FTCDNL1: variants seen among roughly 807,000 people sequenced by gnomAD.
FTCDNL1 encodes formiminotransferase N-terminal subdomain-containing protein.
A neutral mutation model predicts 5.9 loss-of-function variants in FTCDNL1; 11 were observed. The observed-to-expected ratio is 1.87, with a 90% CI of 1.18 to 3.10. The LOEUF (loss-of-function observed/expected upper bound fraction) is 3.10. FTCDNL1 is among the 30% of genes most tolerant of loss of function. The pLI is 0.00. For missense variants in FTCDNL1, 115 were observed against 65.5 expected (o/e 1.76, Z -2.61); for synonymous variants, 58 against 24.8 (o/e 2.34, Z -3.99).
chr2:199,714,890 C>A, the FTCDNL1 span, among the ~76,000 whole-genome samples: 4 of 144,438 alleles, frequency 2.8e-5, no homozygotes, highest in South Asian at 8.6e-4. Flanking sequence ...GGGAAATGAA[C>A]AATGAGAACA....
intron 3 of FTCDNL1, among the ~76,000 whole-genome samples, chr2:199,792,074 C>A (rs1403814418): frequency 6.6e-6 from 1 of 151,404 alleles, no homozygotes; most frequent in Non-Finnish European, 1.5e-5. Flanking sequence ...CTTATCCATT[C>A]AATTTTATGT....
downstream of FTCDNL1, among the ~76,000 whole-genome samples, chr2:199,805,493 C>T (rs556718879): frequency 2.6e-5 from 4 of 152,248 alleles, no homozygotes; most frequent in Non-Finnish European, 4.4e-5. Context: ...AATCCCAGTA[C>T]TTTGGGAGGC....
the FTCDNL1 span, among the ~76,000 whole-genome samples, chr2:199,697,260 G>A: frequency 2.6e-5 from 4 of 151,912 alleles, no homozygotes; most frequent in East Asian, 5.8e-4. Context: ...CGACAGAGAG[G>A]GACTCCGTCT....
the FTCDNL1 span, among the ~76,000 whole-genome samples, chr2:199,686,694 T>C: frequency 1.3e-5 from 2 of 152,324 alleles, no homozygotes; most frequent in South Asian, 2.1e-4. Context: ...GGAGTTACAG[T>C]ATTCCAAATA....
At chr2:199,801,679 G>A (rs997336463) in intron 3 of FTCDNL1, among the ~76,000 whole-genome samples, 8 of 150,088 alleles carry the variant, frequency 5.3e-5, no homozygotes, top group African/African-American at 7.4e-5. Flanking sequence ...GGCCGGGCAC[G>A]GTGGCTCACG....
the FTCDNL1 span, among the ~76,000 whole-genome samples, chr2:199,723,259 C>T: frequency 6.6e-6 from 1 of 152,176 alleles, no homozygotes; most frequent in East Asian, 1.9e-4. Flanking sequence ...GCTAAAGTTG[C>T]TTATCAGCTT....
At chr2:199,683,943 T>C in the FTCDNL1 span, among the ~76,000 whole-genome samples, 47 of 152,310 alleles carry the variant, frequency 3.1e-4, no homozygotes, top group East Asian at 8.9e-3. Context: ...GGCTGTCTGT[T>C]CTCTCTTGTA....
the FTCDNL1 span, among the ~76,000 whole-genome samples, chr2:199,730,751 T>G: frequency 6.6e-6 from 1 of 152,218 alleles, no homozygotes; most frequent in East Asian, 1.9e-4. Context: ...GGTGGGTGTG[T>G]AAATTAGCTC....
intron 3 of FTCDNL1, among the ~76,000 whole-genome samples, chr2:199,770,485 ATCT>A (rs955892377): frequency 6.6e-5 from 10 of 152,168 alleles, no homozygotes; most frequent in African/African-American, 2.4e-4. Flanking sequence ...GTATCTCAAT[ATCT>A]TCTTATCAAA....
the FTCDNL1 span, among the ~76,000 whole-genome samples, chr2:199,713,023 T>C: frequency 9.9e-5 from 15 of 152,200 alleles, no homozygotes; most frequent in Middle Eastern, 3.2e-3. Flanking sequence ...TTCAAAATAA[T>C]AGAAAACTGC....
intron 3 of FTCDNL1, among the ~76,000 whole-genome samples, chr2:199,764,706 C>T (rs1235866254): frequency 2.0e-5 from 3 of 152,134 alleles, no homozygotes; most frequent in African/African-American, 7.2e-5. Context: ...GGCCTTTTAC[C>T]GGAGCAGAAT....
chr2:199,712,418 G>T, the FTCDNL1 span, among the ~76,000 whole-genome samples: 123,036 of 152,174 alleles, frequency 0.81, 51,058 homozygotes, highest in South Asian at 0.93. Flanking sequence ...ATTTTGAGTA[G>T]CATGTTTGCT....
chr2:199,849,274 T>A (rs1253314158), intron 1 of FTCDNL1, among the ~76,000 whole-genome samples: 1 of 152,246 alleles, frequency 6.6e-6, no homozygotes, highest in South Asian at 2.1e-4. Context: ...ATTTTAAGCA[T>A]AGTTTTCCTT....
At chr2:199,836,793 G>T (rs1010701276) in intron 3 of FTCDNL1, among the ~76,000 whole-genome samples, 1 of 152,142 alleles carries the variant, frequency 6.6e-6, no homozygotes, top group African/African-American at 2.4e-5. Flanking sequence ...TACAGGGAAG[G>T]AGTAAAAGTC....
the FTCDNL1 span, among the ~76,000 whole-genome samples, chr2:199,754,670 G>A: frequency 1.3e-5 from 2 of 152,162 alleles, no homozygotes; most frequent in South Asian, 4.2e-4. Context: ...GAGGTGTGGG[G>A]GTCAAAACAA....
At chr2:199,703,144 T>C in the FTCDNL1 span, among the ~76,000 whole-genome samples, 1 of 152,226 alleles carries the variant, frequency 6.6e-6, no homozygotes, top group East Asian at 1.9e-4. Flanking sequence ...CATGCTGGTG[T>C]GCTGCACCCA....
chr2:199,810,241 T>C lies in FTCDNL1; in HGVS notation c.*2464A>G, dbSNP rs1700961973. On this transcript the variant is annotated 3_prime_UTR_variant, in exon 5 of 5. Transcript: ENST00000420128. ...TCACACCTCTGTACCCACCACTCCCTCTCTCCGAAACAAACTCCTGTCATT... is the reference window on the plus strand; with the variant it reads ...TCACACCTCTGTACCCACCACTCCCCCTCTCCGAAACAAACTCCTGTCATT... Among the ~76,000 whole-genome samples, 1 of 152,056 alleles carries C rather than the reference T, an allele frequency of 6.6e-6. No individual in the cohort carries two copies. The highest frequency in any genetic ancestry group is 1.5e-5 in the Non-Finnish European group (1 of 68,018).
At chr2:199,727,614 G>A in the FTCDNL1 span, among the ~76,000 whole-genome samples, 2 of 152,056 alleles carry the variant, frequency 1.3e-5, no homozygotes, top group African/African-American at 4.8e-5. Context: ...CAGTCCCAGT[G>A]AGAGAACCTG....
chr2:199,675,766 C>A, the FTCDNL1 span, among the ~76,000 whole-genome samples: 1 of 152,136 alleles, frequency 6.6e-6, no homozygotes, highest in Non-Finnish European at 1.5e-5. Flanking sequence ...CCCCCAACCT[C>A]CTGTTTTGAG....
Sources: gnomAD v4.1 joint callset for allele counts (sites outside exome capture counted in the v4.1 genomes callset) on GRCh38, gnomAD v4.1.1 for gene constraint, MANE v1.5 for transcripts, NCBI Gene and HGNC (gene_info 2026-07-23, HGNC 2026-07-21) for gene names.